UNC13C: variants seen among roughly 807,000 people sequenced by gnomAD.
UNC13C encodes unc-13 homolog C, also known as protein unc-13 homolog C.
Under a neutral mutation model 245.4 loss-of-function variants are expected in UNC13C, and 174 were observed. The observed-to-expected ratio is 0.71, with a 90% CI of 0.63 to 0.80. UNC13C has a LOEUF of 0.80. UNC13C is among the 30% of genes least tolerant of loss of function. UNC13C has a pLI of 0.00. For synonymous variants in UNC13C, 992 were observed against 895.1 expected (o/e 1.11, Z -1.93); for missense variants, 2,829 against 2,602.9 (o/e 1.09, Z -1.89).
chr15:54,008,006 TA>T (rs1456157674), intron 1 of UNC13C, among the ~76,000 whole-genome samples: 1 of 152,214 alleles, frequency 6.6e-6, no homozygotes, highest in African/African-American at 2.4e-5. Context: ...ATAAGGAACA[TA>T]AAATACTTTA....
chr15:54,125,549 A>G (rs752410073), intron 2 of UNC13C, among the ~76,000 whole-genome samples: 13 of 152,130 alleles, frequency 8.5e-5, no homozygotes, highest in African/African-American at 2.4e-4. Flanking sequence ...GTATCTTGCT[A>G]TGGTAACTTT....
chr15:54,507,862 A>AG, intron 23 of UNC13C, among the ~76,000 whole-genome samples: 1 of 151,834 alleles, frequency 6.6e-6, no homozygotes, highest in Admixed American at 6.6e-5. Flanking sequence ...GAAAAAAAAA[A>AG]GTGTTTAAAA....
chr15:54,232,131 T>G (rs1043410631), intron 4 of UNC13C, among the ~76,000 whole-genome samples: 1 of 152,124 alleles, frequency 6.6e-6, no homozygotes, highest in African/African-American at 2.4e-5. Flanking sequence ...ATATTATTAC[T>G]TGATGGATAG....
downstream of UNC13C, chr15:54,631,055 C>T (rs1264419252): frequency 1.3e-5 from 2 of 152,002 alleles, no homozygotes; most frequent in African/African-American, 2.4e-5. Context: ...TATTTTAAAA[C>T]ATAGTTTGGC....
At chr15:53,973,761 A>G (rs1893612613), upstream of UNC13C, among the ~76,000 whole-genome samples, 1 of 152,188 alleles carries the variant, frequency 6.6e-6, no homozygotes, top group South Asian at 2.1e-4. Flanking sequence ...CAACAGAATG[A>G]AAGTATAGAT....
the UNC13C span, among the ~76,000 whole-genome samples, chr15:53,936,417 C>G: frequency 2.6e-5 from 4 of 152,112 alleles, no homozygotes; most frequent in South Asian, 8.3e-4. Flanking sequence ...GCCACTGTAT[C>G]TGCAGTTCAG....
chr15:54,204,120 T>C (rs1022022579), intron 4 of UNC13C, among the ~76,000 whole-genome samples: 18 of 151,612 alleles, frequency 1.2e-4, no homozygotes, highest in Non-Finnish European at 2.7e-4. Flanking sequence ...ATAAGAATCA[T>C]ACACTGAACT....
intron 8 of UNC13C, among the ~76,000 whole-genome samples, chr15:54,261,691 C>T (rs2036430048): frequency 6.6e-6 from 1 of 152,080 alleles, no homozygotes. Context: ...CTACAGGCGC[C>T]CACCACTACG....
At chr15:54,145,871 G>C (rs1250307713) in intron 4 of UNC13C, among the ~76,000 whole-genome samples, 1 of 152,208 alleles carries the variant, frequency 6.6e-6, no homozygotes, top group Non-Finnish European at 1.5e-5. Context: ...CCATGCTTTT[G>C]TTAAGCACAT....
At chr15:53,939,215 T>C in the UNC13C span, among the ~76,000 whole-genome samples, 1 of 152,180 alleles carries the variant, frequency 6.6e-6, no homozygotes, top group African/African-American at 2.4e-5. Flanking sequence ...AACACCTCTA[T>C]GTACCTACAC....
chr15:54,056,464 A>G (rs1411331986), intron 2 of UNC13C, among the ~76,000 whole-genome samples: 1 of 152,222 alleles, frequency 6.6e-6, no homozygotes, highest in Non-Finnish European at 1.5e-5. Context: ...ACTATGTGAA[A>G]AGACCAAATC....
chr15:54,011,556 A>G (rs1895382427), intron 1 of UNC13C, among the ~76,000 whole-genome samples: 2 of 152,214 alleles, frequency 1.3e-5, no homozygotes, highest in African/African-American at 4.8e-5. Flanking sequence ...TAGGAGTATA[A>G]AAAATGCTTT....
At chr15:54,486,250 A>AC (rs1893399145) in intron 19 of UNC13C, among the ~76,000 whole-genome samples, 1 of 131,996 alleles carries the variant, frequency 7.6e-6, no homozygotes, top group African/African-American at 2.9e-5. Context: ...GATCTATTAA[A>AC]ACACACACAC....
intron 2 of UNC13C, among the ~76,000 whole-genome samples, chr15:54,121,638 T>G (rs1000031941): frequency 6.6e-6 from 1 of 152,118 alleles, no homozygotes; most frequent in African/African-American, 2.4e-5. Flanking sequence ...CTTCTTTTTC[T>G]TCTTTTTTCA....
At chr15:54,487,146 A>T (rs976067713) in intron 19 of UNC13C, among the ~76,000 whole-genome samples, 2 of 152,132 alleles carry the variant, frequency 1.3e-5, no homozygotes, top group African/African-American at 4.8e-5. Flanking sequence ...GAGTGTATCT[A>T]TGAGGTATGT....
intron 2 of UNC13C, among the ~76,000 whole-genome samples, chr15:54,106,650 A>G (rs1900462821): frequency 6.6e-6 from 1 of 151,996 alleles, no homozygotes; most frequent in Non-Finnish European, 1.5e-5. Flanking sequence ...TCTTCTTATC[A>G]TTTCCCCCAC....
At chr15:54,585,670 G>C (rs1898453894) in intron 30 of UNC13C, among the ~76,000 whole-genome samples, 1 of 152,078 alleles carries the variant, frequency 6.6e-6, no homozygotes, top group Admixed American at 6.6e-5. Context: ...TCTCCACAAA[G>C]GTAGAAGAGA....
At chr15:54,120,590 A>C (rs919850266) in intron 2 of UNC13C, among the ~76,000 whole-genome samples, 3 of 152,100 alleles carry the variant, frequency 2.0e-5, no homozygotes, top group African/African-American at 7.2e-5. Flanking sequence ...TCATTATTTA[A>C]GAAATACATT....
At chr15:54,206,871 C>T (rs540117641) in intron 4 of UNC13C, among the ~76,000 whole-genome samples, 1 of 152,176 alleles carries the variant, frequency 6.6e-6, no homozygotes, top group South Asian at 2.1e-4. Flanking sequence ...CTGGCAAGAA[C>T]ACAATTCATG....
Sources: allele counts gnomAD v4.1 joint callset (sites outside exome capture counted in the v4.1 genomes callset), GRCh38; gene constraint gnomAD v4.1.1; transcripts MANE v1.5; gene names NCBI Gene and HGNC (gene_info 2026-07-23, HGNC 2026-07-21).